PCDHA7: variants seen among roughly 807,000 people sequenced by gnomAD.
The protein encoded by PCDHA7 is protocadherin alpha 7.
In PCDHA7, 37 loss-of-function variants were observed where a neutral mutation model predicts 57.2. The observed-to-expected ratio is 0.65, with a 90% confidence interval of 0.50 to 0.85. PCDHA7 has a LOEUF of 0.85. Ranked by LOEUF, PCDHA7 falls within the 40% of genes least tolerant of loss-of-function variation. The pLI is 0.00. For missense variants in PCDHA7, 1,188 were observed against 1,241.8 expected, an observed-to-expected ratio of 0.96 and a Z score of 0.65; for synonymous variants, 553 against 558.8, an observed-to-expected ratio of 0.99 and a Z score of 0.15.
chr5:140,857,988 T>C lies in PCDHA7; in HGVS notation c.2355+21250T>C, dbSNP rs370495338. 30 of 1,596,780 alleles carry C rather than the reference T, an allele frequency of 1.9e-5. 3 individuals carry two copies. In the African/African-American group the frequency reaches 2.3e-4, roughly 12 times the overall value. On this transcript the variant is annotated intron_variant, in intron 1 of 3. Coordinates refer to ENST00000525929, the MANE Select transcript of PCDHA7 (RefSeq NM_018910.3). Reference sequence around the variant, plus strand: ...ACTGACTCGCCACGCCAGCGCCTACTGGTGCTGGTGAAGGACCATGGCGAG... The same window carrying C: ...ACTGACTCGCCACGCCAGCGCCTACCGGTGCTGGTGAAGGACCATGGCGAG...
chr5:140,843,065 C>G, intron 1 of PCDHA7: 1 of 1,595,232 alleles, frequency 6.3e-7, no homozygotes, highest in Non-Finnish European at 8.6e-7. Context: ...CAAGCTGGTG[C>G]CGCGGTCTGT....
chr5:140,927,247 G>A (rs782521189), intron 1 of PCDHA7: 7 of 1,613,978 alleles, frequency 4.3e-6, no homozygotes, highest in Middle Eastern at 3.3e-4. Flanking sequence ...GGACACCAAT[G>A]ACAACTCACC....
intron 1 of PCDHA7, chr5:140,928,374 C>T (rs782659188): frequency 6.2e-7 from 1 of 1,614,172 alleles, no homozygotes; most frequent in Non-Finnish European, 8.5e-7. Flanking sequence ...GGCCATCAGC[C>T]TCTAGCTTGC....
In PCDHA7 at chr5:140,836,909, CTTTTG is replaced by C. The variant is rs2150271100; in HGVS notation, c.2355+177_2355+181del. On this transcript the variant is annotated intron_variant, in intron 1 of 3. Coordinates refer to ENST00000525929, the MANE Select transcript of PCDHA7 (RefSeq NM_018910.3). ...TATTTGGAAGTACGTTTAATATACACTTTTGTTTTGGGATGCGTAATACTATAGAT... is the reference window on the plus strand; with the variant it reads ...TATTTGGAAGTACGTTTAATATACACTTTTGGGATGCGTAATACTATAGAT... 186 of 579,744 alleles carry C rather than the reference CTTTTG, an allele frequency of 3.2e-4. 4 individuals carry two copies. The highest frequency in any genetic ancestry group is 1.5e-3 in the South Asian group (53 of 34,270). 35.9% of individuals were successfully genotyped at this position (579,744 alleles called of 1,614,324 possible).
intron 1 of PCDHA7, among the ~76,000 whole-genome samples, chr5:140,912,304 C>T (rs904729298): frequency 6.6e-6 from 1 of 151,998 alleles, no homozygotes; most frequent in Admixed American, 6.6e-5. Flanking sequence ...TCCTGTAATC[C>T]AGTCAAGTTG....
At chr5:140,881,392 A>G (rs2058698624) in intron 1 of PCDHA7, 2 of 979,256 alleles carry the variant, frequency 2.0e-6, no homozygotes. Context: ...CGGTAAGTTA[A>G]ATTCTATTAA....
At chr5:140,856,510 A>G (rs1193359159) in intron 1 of PCDHA7, 2 of 1,598,532 alleles carry the variant, frequency 1.3e-6, no homozygotes, top group Non-Finnish European at 1.7e-6. Context: ...TTCCACTAGA[A>G]GGCGCATCTG....
chr5:140,910,387 T>G (rs540534807), intron 1 of PCDHA7, among the ~76,000 whole-genome samples: 3 of 152,276 alleles, frequency 2.0e-5, no homozygotes, highest in Admixed American at 6.5e-5. Context: ...CCTTTGACAG[T>G]TGACTGGCCC....
chr5:140,969,600 C>CTAAAACACA, intron 1 of PCDHA7: 1 of 778,552 alleles, frequency 1.3e-6, no homozygotes, highest in South Asian at 2.1e-5. Flanking sequence ...ATATTTAATG[C>CTAAAACACA]TAAAACACAG....
chr5:140,858,325 G>A, intron 1 of PCDHA7: 1 of 1,596,768 alleles, frequency 6.3e-7, no homozygotes, highest in Non-Finnish European at 8.6e-7. Context: ...TGTGTTCTGG[G>A]GAGGGCCTGC....
intron 1 of PCDHA7, among the ~76,000 whole-genome samples, chr5:140,918,920 G>A (rs1470075085): frequency 6.6e-6 from 1 of 152,204 alleles, no homozygotes; most frequent in Non-Finnish European, 1.5e-5. Context: ...TAACTACACA[G>A]CATATGGCAT....
chr5:140,882,374 C>G, intron 1 of PCDHA7: 1 of 1,614,186 alleles, frequency 6.2e-7, no homozygotes, highest in Non-Finnish European at 8.5e-7. Context: ...CTACTCCGTC[C>G]CCGAGGAAGC....
chr5:140,999,431 C>G (rs1554256799), intron 3 of PCDHA7, among the ~76,000 whole-genome samples: 1 of 152,134 alleles, frequency 6.6e-6, no homozygotes, highest in African/African-American at 2.4e-5. Context: ...GGCCAAGTAC[C>G]TTGCCTCTTA....
intron 1 of PCDHA7, among the ~76,000 whole-genome samples, chr5:140,894,634 T>C (rs1412183022): frequency 1.3e-5 from 2 of 151,970 alleles, no homozygotes; most frequent in Non-Finnish European, 2.9e-5. Flanking sequence ...TCCAATCATA[T>C]CATTACTGAG....
intron 1 of PCDHA7, among the ~76,000 whole-genome samples, chr5:140,840,158 A>G (rs2150304038): frequency 1.3e-5 from 2 of 152,010 alleles, no homozygotes; most frequent in Admixed American, 1.3e-4. Context: ...GAAAGGAGAG[A>G]TGGGATGTAT....
intron 1 of PCDHA7, among the ~76,000 whole-genome samples, chr5:140,919,693 T>C (rs1383014744): frequency 6.6e-6 from 1 of 152,234 alleles, no homozygotes; most frequent in Admixed American, 6.5e-5. Context: ...TTCAGATTTA[T>C]ATTAACTTAA....
chr5:140,928,731 C>T, intron 1 of PCDHA7: 2 of 1,614,164 alleles, frequency 1.2e-6, no homozygotes, highest in Non-Finnish European at 1.7e-6. Context: ...GAATTTCAGC[C>T]AATATAGGTG....
At chr5:140,844,958 C>T (rs1211127750) in intron 1 of PCDHA7, among the ~76,000 whole-genome samples, 1 of 149,184 alleles carries the variant, frequency 6.7e-6, no homozygotes, top group Non-Finnish European at 1.5e-5. Context: ...TGAATTCTTA[C>T]AGTTTGTTAT....
At chr5:140,909,942 T>G (rs577556804) in intron 1 of PCDHA7, among the ~76,000 whole-genome samples, 1 of 152,304 alleles carries the variant, frequency 6.6e-6, no homozygotes, top group Non-Finnish European at 1.5e-5. Flanking sequence ...GTTACTCTGG[T>G]AAAAAGCCGT....
Sources: allele counts gnomAD v4.1 joint callset (sites outside exome capture counted in the v4.1 genomes callset), GRCh38; gene constraint gnomAD v4.1.1; transcripts MANE v1.5; gene names NCBI Gene and HGNC (gene_info 2026-07-23, HGNC 2026-07-21).